FAM200A: variants seen among roughly 807,000 people sequenced by gnomAD.
FAM200A encodes the protein protein FAM200A.
A neutral mutation model predicts 44.2 loss-of-function variants in FAM200A; 26 were observed. The observed-to-expected ratio is 0.59, with a 90% confidence interval of 0.43 to 0.82. The LOEUF is 0.82. Ranked by LOEUF, FAM200A falls within the 40% of genes least tolerant of loss-of-function variation. The pLI, the probability that FAM200A is intolerant of heterozygous loss-of-function variation, is 0.00. For missense variants in FAM200A, 606 were observed against 669.5 expected (o/e 0.91, Z 1.05); for synonymous variants, 206 against 244.4 (o/e 0.84, Z 1.47).
chr7:99,550,065 TA>T (rs763644558), intron 1 of FAM200A, among the ~76,000 whole-genome samples: 5 of 149,762 alleles, frequency 3.3e-5, no homozygotes, highest in African/African-American at 9.8e-5. Context: ...AAGTAAATAA[TA>T]AAAAAAAACT....
chr7:99,548,140 T>C lies in FAM200A; in HGVS notation c.268A>G (p.Met90Val). 1 of 1,551,864 alleles carries C rather than the reference T, an allele frequency of 6.4e-7. No homozygotes were observed. Among genetic ancestry groups the C allele is most frequent in the Non-Finnish European group, 8.7e-7 (1 of 1,147,040 alleles). ...TCAAAAATTGTCCGTACCATGTCCA[T>C]ACATGCTGGAAGGATAATTTTTTCA... The part of the protein sequence containing the change: ...AAEKIILPAC[M>V]DMVRTIFDDK... The change falls in exon 2 of 2, where the codon ATG becomes GTG. Residue 90 changes from methionine to valine, a missense_variant. Transcript: ENST00000449309.
chr7:99,546,706 G>T lies in FAM200A; in HGVS notation c.1702C>A (p.Gln568Lys). ...VPDWKELMNR[Q>K]AHPSH ...TGTATTTAATGTGATGGGTGTGCTTGTCTGTTCATAAGTTCCTTCCAGTCA... is the reference window on the plus strand; with the variant it reads ...TGTATTTAATGTGATGGGTGTGCTTTTCTGTTCATAAGTTCCTTCCAGTCA... Residue 568 changes from glutamine (Q) to lysine (K), a missense_variant, in exon 2 of 2, where the codon CAA becomes AAA. Gln to Lys is a moderately conservative substitution (Grantham distance 53). Coordinates refer to ENST00000449309, the MANE Select transcript of FAM200A (RefSeq NM_145111.4). 6.5e-7 allele frequency: 1 copy of T among 1,531,962 alleles called. No homozygotes were observed. The highest frequency in any genetic ancestry group is 1.2e-5 in the South Asian group (1 of 80,406). The allele number at this position is 1,531,962 out of a possible 1,614,324, so 94.9% of individuals were successfully genotyped here.
rs377296140 is a variant in FAM200A, at chr7:99,547,566, A to C, written c.842T>G (p.Leu281Arg). 183 of 1,551,048 alleles carry C rather than the reference A, an allele frequency of 1.2e-4. No individual in the cohort carries two copies. Among genetic ancestry groups the C allele is most frequent in the Non-Finnish European group, 1.5e-4 (170 of 1,146,882 alleles). The change falls in exon 2 of 2, where the codon CTC (leucine) becomes CGC (arginine). Residue 281 changes from leucine to arginine, a missense_variant. By Grantham distance (102) the Leu-to-Arg change is moderately radical. Coordinates refer to ENST00000449309, the MANE Select transcript of FAM200A (RefSeq NM_145111.4). Reference sequence around the variant, plus strand: ...TCCAATCTCTGAACAAAATATTTCGAGAAGTCGGCTATTCAGTGAGCTTCC... The same window carrying C: ...TCCAATCTCTGAACAAAATATTTCGCGAAGTCGGCTATTCAGTGAGCTTCC... ...IKGSSLNSRL[L>R]EIFCSEIGVN... is the part of the protein sequence containing the mutation.
chr7:99,550,626 A>G (rs1047166545), intron 1 of FAM200A, among the ~76,000 whole-genome samples: 2 of 152,126 alleles, frequency 1.3e-5, no homozygotes, highest in Non-Finnish European at 2.9e-5. Flanking sequence ...TGGTGGGTCT[A>G]TGTGTTTCAT....
At chr7:99,553,099 A>ATTTTT (rs576289512), upstream of FAM200A, among the ~76,000 whole-genome samples, 1 of 61,396 alleles carries the variant, frequency 1.6e-5, no homozygotes, top group Non-Finnish European at 2.6e-5. Flanking sequence ...ATATATATAT[A>ATTTTT]TTTTTTTTTT....
intron 1 of FAM200A, 82 bp from the exon 2 acceptor site, chr7:99,548,588 T>A: frequency 2.6e-6 from 3 of 1,162,758 alleles, no homozygotes; most frequent in Non-Finnish European, 3.5e-6. Flanking sequence ...AACAATTCAC[T>A]AAATCTAGTG....
intron 1 of FAM200A, among the ~76,000 whole-genome samples, chr7:99,551,642 C>T (rs1802534105): frequency 6.6e-6 from 1 of 152,196 alleles, no homozygotes; most frequent in Non-Finnish European, 1.5e-5. Flanking sequence ...AATTTTACAA[C>T]TCGGGGTACC....
At position 99,547,506 on chromosome 7, in the gene FAM200A, A is replaced by C. The variant is rs1451981082; in HGVS notation, c.902T>G (p.Val301Gly). Reference protein sequence around the residue: ...NHTHLLFHTEVRWLSQGKVLS... With the variant: ...NHTHLLFHTEGRWLSQGKVLS... The stretch of plus-strand genomic sequence containing the variant: ...TACTTTTCCTTGAGAAAGCCAACGA[A>C]CTTCTGTATGAAACAATAAGTGGGT... Residue 301 changes from valine to glycine, a missense_variant, in exon 2 of 2, where the codon GTT (valine) becomes GGT (glycine). Physicochemically the swap from Val to Gly is moderately radical, Grantham distance 109. Coordinates refer to ENST00000449309, the MANE Select transcript of FAM200A (RefSeq NM_145111.4). 1.9e-6 allele frequency: 3 copies of C among 1,549,308 alleles called. No homozygotes were observed. The highest frequency in any genetic ancestry group is 2.6e-6 in the Non-Finnish European group (3 of 1,145,800).
chr7:99,550,659 T>C (rs1200815090), intron 1 of FAM200A, among the ~76,000 whole-genome samples: 2 of 152,172 alleles, frequency 1.3e-5, no homozygotes, highest in African/African-American at 4.8e-5. Context: ...ATGGCAGAAC[T>C]GGTACCAGTC....
At chr7:99,553,066 C>CACATATATATATAT (rs1562927060), upstream of FAM200A, among the ~76,000 whole-genome samples, 1 of 77,274 alleles carries the variant, frequency 1.3e-5, no homozygotes, top group Admixed American at 1.3e-4. Context: ...TATATATACA[C>CACATATATATATAT]ACACATATAT....
intron 1 of FAM200A, among the ~76,000 whole-genome samples, chr7:99,551,100 C>T (rs1490151323): frequency 2.0e-5 from 3 of 152,028 alleles, no homozygotes; most frequent in African/African-American, 7.3e-5. Context: ...ACAAAAAGAC[C>T]CCTTCCTAAA....
At chr7:99,553,711 A>G (rs974428318), upstream of FAM200A, among the ~76,000 whole-genome samples, 4 of 152,196 alleles carry the variant, frequency 2.6e-5, no homozygotes, top group African/African-American at 7.2e-5. Context: ...CTATATATCC[A>G]TTTTGGCCCA....
At position 99,547,695 on chromosome 7, in the gene FAM200A, C is replaced by T; in HGVS notation, c.713G>A (p.Trp238Ter). Reference sequence around the variant, plus strand: ...TTCTCGATGAATAAAACAGTGATTCCAAACAGCATTGTTGTGGGTTGCTTC... The same window carrying T: ...TTCTCGATGAATAAAACAGTGATTCTAAACAGCATTGTTGTGGGTTGCTTC... ...LLEATHNNAV[W>*]NHCFIHREAL... Residue 238 changes from tryptophan to a stop codon, truncating the protein, a stop_gained, in exon 2 of 2, where the codon TGG (tryptophan) becomes TAG (stop). Transcript: ENST00000449309. LOFTEE classifies it high-confidence loss of function. The T allele has an allele frequency of 1.3e-6, 2 of 1,551,384 alleles. No individual in the cohort carries two copies. Among genetic ancestry groups the T allele is most frequent in the South Asian group, 1.2e-5 (1 of 83,942 alleles).
upstream of FAM200A, among the ~76,000 whole-genome samples, chr7:99,554,411 G>T (rs1802637235): frequency 6.6e-6 from 1 of 150,666 alleles, no homozygotes; most frequent in African/African-American, 2.4e-5. Flanking sequence ...CCTGGGAGGT[G>T]GAGGCTGCAG....
In FAM200A at chr7:99,547,560, A is replaced by G; in HGVS notation, c.848T>C (p.Ile283Thr). ...GTTCACTCCAATCTCTGAACAAAAT[A>G]TTTCGAGAAGTCGGCTATTCAGTGA... ...GSSLNSRLLE[I>T]FCSEIGVNHT... Residue 283 changes from isoleucine to threonine, a missense_variant, in exon 2 of 2, where the codon ATA becomes ACA. Coordinates refer to ENST00000449309, the MANE Select transcript of FAM200A (RefSeq NM_145111.4). 1 of 1,551,038 alleles carries G rather than the reference A, an allele frequency of 6.4e-7. No homozygotes were observed. Among genetic ancestry groups the G allele is most frequent in the Non-Finnish European group, 8.7e-7 (1 of 1,146,850 alleles).
At chr7:99,552,624 A>G (rs1263924288), upstream of FAM200A, among the ~76,000 whole-genome samples, 3 of 152,140 alleles carry the variant, frequency 2.0e-5, no homozygotes, top group African/African-American at 7.2e-5. Flanking sequence ...CAACGGTGAA[A>G]TAAGTTGAAT....
At chr7:99,548,729 T>C (rs1020967520) in intron 1 of FAM200A, among the ~76,000 whole-genome samples, 38 of 151,940 alleles carry the variant, frequency 2.5e-4, no homozygotes, top group Admixed American at 1.5e-3. Context: ...ACTATTCTTA[T>C]ATTACAGATG....
At position 99,547,930 on chromosome 7, in the gene FAM200A, CAT is replaced by C. The variant is rs1562925154; in HGVS notation, c.476_477del (p.Tyr159CysfsTer8). The C allele has an allele frequency of 1.3e-6, 2 of 1,551,116 alleles. No homozygotes were observed. Among genetic ancestry groups the C allele is most frequent in the African/African-American group, 2.7e-5 (2 of 73,048 alleles). ...AAATCATCTTGCCACACATATCTGA[CAT>C]AAACCAAGAGTGTGGGACAACTTGC... is the stretch of plus-strand genomic sequence containing the variant. ...DIASCPTLLV[Y>X]VRYVWQDDFV... On this transcript the variant is annotated frameshift_variant, in exon 2 of 2. Transcript: ENST00000449309. LOFTEE classifies it high-confidence loss of function.
upstream of FAM200A, among the ~76,000 whole-genome samples, chr7:99,556,344 A>G (rs1318140645): frequency 1.3e-5 from 2 of 152,032 alleles, no homozygotes; most frequent in Non-Finnish European, 2.9e-5. Context: ...ATGAGCCACG[A>G]CTTTGACTCA....
Sources: allele counts gnomAD v4.1 joint callset (sites outside exome capture counted in the v4.1 genomes callset), GRCh38; gene constraint gnomAD v4.1.1; transcripts MANE v1.5; gene names NCBI Gene and HGNC (gene_info 2026-07-23, HGNC 2026-07-21).